Variants in ZBTB7C observed in about 807,000 individuals in gnomAD.
The protein encoded by ZBTB7C is zinc finger and BTB domain containing 7C.
Under a neutral mutation model 25.7 loss-of-function variants are expected in ZBTB7C, and 8 were observed. The ratio of observed to expected loss-of-function variants is 0.31; its 90% CI spans 0.18 to 0.56. The LOEUF (loss-of-function observed/expected upper bound fraction) is 0.56, where lower values mean the gene tolerates loss of function less well. Ranked by LOEUF, ZBTB7C falls within the 20% of genes least tolerant of loss-of-function variation. The pLI, the probability that ZBTB7C is intolerant of heterozygous loss-of-function variation, is 0.91. For missense variants in ZBTB7C, 824 were observed against 855.2 expected, an observed-to-expected ratio of 0.96 and a Z score of 0.46; for synonymous variants, 394 against 369.0, an observed-to-expected ratio of 1.07 and a Z score of -0.78.
rs2036152715 is a variant in ZBTB7C, at chr18:48,040,110, G to C, written c.998C>G (p.Ala333Gly). 6.2e-7 allele frequency: 1 copy of C among 1,604,468 alleles called. No individual in the cohort carries two copies. The highest frequency in any genetic ancestry group is 1.7e-5 in the Admixed American group (1 of 59,150). Reference sequence around the variant, plus strand: ...GGTGGCACTCAGGAAGTTGAGATAGGCACCGTAGTCGTTCTCCGCCTTGAT... The same window carrying C: ...GGTGGCACTCAGGAAGTTGAGATAGCCACCGTAGTCGTTCTCCGCCTTGAT... ...GPIKAENDYGAYLNFLSATHL... is the reference protein window; with the variant it reads ...GPIKAENDYGGYLNFLSATHL... The change falls in exon 4 of 5, where the codon GCC becomes GGC. Residue 333 changes from alanine to glycine, a missense_variant. Coordinates refer to ENST00000590800, the MANE Select transcript of ZBTB7C (RefSeq NM_001318841.2).
chr18:48,184,270 T>C (rs1187292722), intron 3 of ZBTB7C, among the ~76,000 whole-genome samples: 1 of 152,150 alleles, frequency 6.6e-6, no homozygotes, highest in Non-Finnish European at 1.5e-5. Flanking sequence ...CAATGATGAC[T>C]CTTCTTCCCC....
At chr18:48,156,765 A>G (rs2040851623) in intron 3 of ZBTB7C, among the ~76,000 whole-genome samples, 1 of 152,176 alleles carries the variant, frequency 6.6e-6, no homozygotes, top group South Asian at 2.1e-4. Context: ...AAAGGTACTC[A>G]GAAAGGAACA....
chr18:48,192,174 TA>T (rs1329934923), intron 2 of ZBTB7C, among the ~76,000 whole-genome samples: 1 of 152,068 alleles, frequency 6.6e-6, no homozygotes, highest in African/African-American at 2.4e-5. Context: ...TTCATATTAC[TA>T]AAAAACATGA....
At chr18:48,166,404 G>A (rs2041245181) in intron 3 of ZBTB7C, among the ~76,000 whole-genome samples, 1 of 152,204 alleles carries the variant, frequency 6.6e-6, no homozygotes, top group African/African-American at 2.4e-5. Context: ...ACAATATCTT[G>A]TTGCCCTTTG....
intron 1 of ZBTB7C, among the ~76,000 whole-genome samples, chr18:48,390,791 AG>A (rs2047883162): frequency 6.6e-6 from 1 of 152,172 alleles, no homozygotes; most frequent in African/African-American, 2.4e-5. Context: ...TAATCCCTCC[AG>A]GGGCACTAAG....
intron 1 of ZBTB7C, among the ~76,000 whole-genome samples, chr18:48,339,391 G>A (rs1398802488): frequency 6.6e-6 from 1 of 152,256 alleles, no homozygotes; most frequent in Non-Finnish European, 1.5e-5. Flanking sequence ...AGAGATAGGA[G>A]TGAGAGTGGC....
At chr18:48,325,396 G>T (rs1263726096) in intron 2 of ZBTB7C, among the ~76,000 whole-genome samples, 1 of 152,216 alleles carries the variant, frequency 6.6e-6, no homozygotes, top group Non-Finnish European at 1.5e-5. Context: ...CCATTGCATT[G>T]ATTCTTATTC....
intron 1 of ZBTB7C, among the ~76,000 whole-genome samples, chr18:48,399,744 G>A (rs767481578): frequency 6.6e-6 from 1 of 152,168 alleles, no homozygotes; most frequent in Non-Finnish European, 1.5e-5. Context: ...TCCATAAAAG[G>A]AAAGAAAGCT....
chr18:48,101,948 G>A (rs1234751570), intron 3 of ZBTB7C, among the ~76,000 whole-genome samples: 1 of 152,146 alleles, frequency 6.6e-6, no homozygotes, highest in African/African-American at 2.4e-5. Flanking sequence ...AATACCAAGA[G>A]ATCCTTCTTA....
intron 1 of ZBTB7C, among the ~76,000 whole-genome samples, chr18:48,390,583 T>C (rs1238438727): frequency 2.0e-5 from 3 of 152,232 alleles, no homozygotes; most frequent in African/African-American, 7.2e-5. Flanking sequence ...TGATTTCCTG[T>C]CTGTCACCTG....
intron 2 of ZBTB7C, among the ~76,000 whole-genome samples, chr18:48,330,920 G>A (rs758517376): frequency 2.7e-4 from 41 of 152,170 alleles, no homozygotes; most frequent in Non-Finnish European, 2.9e-4. Context: ...GCGGAGGCAA[G>A]GGCAGTGTTC....
At chr18:48,204,866 T>C (rs574990159) in intron 2 of ZBTB7C, among the ~76,000 whole-genome samples, 13 of 152,274 alleles carry the variant, frequency 8.5e-5, no homozygotes, top group Admixed American at 7.8e-4. Context: ...AGTGTGTACA[T>C]TTAGCCTGCT....
At chr18:48,334,098 G>GA (rs2046402862) in intron 2 of ZBTB7C, among the ~76,000 whole-genome samples, 1 of 152,098 alleles carries the variant, frequency 6.6e-6, no homozygotes, top group African/African-American at 2.4e-5. Flanking sequence ...GGACCTACAG[G>GA]ACTTACTTAG....
chr18:48,040,214 G>A lies in ZBTB7C; in HGVS notation c.894C>T (p.Pro298=). Residue 298 remains proline (P), a synonymous_variant, in exon 4 of 5, where the codon CCC becomes CCT. Coordinates refer to ENST00000590800, the MANE Select transcript of ZBTB7C (RefSeq NM_001318841.2). Reference sequence around the variant, plus strand: ...TAGGGAAGGGTGGCGGTGGGGGTGGGGGCAGCTCCTCCTTCTCCTCCTCCT... The same window carrying A: ...TAGGGAAGGGTGGCGGTGGGGGTGGAGGCAGCTCCTCCTTCTCCTCCTCCT... ...KIKEEEKEEL[P]PPPPPPFPND... 1.9e-6 allele frequency: 3 copies of A among 1,572,324 alleles called. No homozygotes were observed. Among genetic ancestry groups the A allele is most frequent in the Non-Finnish European group, 2.6e-6 (3 of 1,161,016 alleles).
intron 3 of ZBTB7C, among the ~76,000 whole-genome samples, chr18:48,154,434 G>A (rs952926785): frequency 2.0e-5 from 3 of 152,190 alleles, no homozygotes; most frequent in African/African-American, 7.2e-5. Flanking sequence ...AACCCCAGAG[G>A]ATTGTAGCCA....
At chr18:48,190,481 C>A (rs2042166519) in intron 2 of ZBTB7C, among the ~76,000 whole-genome samples, 1 of 152,140 alleles carries the variant, frequency 6.6e-6, no homozygotes, top group African/African-American at 2.4e-5. Context: ...AGGAGCTGAG[C>A]AATTGTCTTA....
At chr18:48,389,189 ACTCTCTCTCTCTCTCTCTCTCTCT>A (rs757520664) in intron 1 of ZBTB7C, among the ~76,000 whole-genome samples, 2 of 64,118 alleles carry the variant, frequency 3.1e-5, no homozygotes, top group African/African-American at 1.3e-4. Flanking sequence ...GAGCCCTTTA[ACTCTCTCTCTCTCTCTCTCTCTCT>A]CTCTCTCTCT....
chr18:48,114,190 G>A (rs572622062), intron 3 of ZBTB7C, among the ~76,000 whole-genome samples: 1 of 152,310 alleles, frequency 6.6e-6, no homozygotes, highest in African/African-American at 2.4e-5. Context: ...GGGTGGGAGA[G>A]TGAAAATGGC....
intron 2 of ZBTB7C, among the ~76,000 whole-genome samples, chr18:48,202,500 T>G: frequency 7.3e-6 from 1 of 136,814 alleles, no homozygotes; most frequent in South Asian, 2.3e-4. Flanking sequence ...GCTGGCAGGA[T>G]GAAGCCAGCT....
Sources: gnomAD v4.1 joint callset for allele counts (sites outside exome capture counted in the v4.1 genomes callset) on GRCh38, gnomAD v4.1.1 for gene constraint, MANE v1.5 for transcripts, NCBI Gene and HGNC (gene_info 2026-07-23, HGNC 2026-07-21) for gene names.